Variants in IFNGR1 observed in about 807,000 individuals in gnomAD.
IFNGR1 encodes AVP, type 2.
In IFNGR1, 23 loss-of-function variants were observed where a neutral mutation model predicts 35.4. That is an observed-to-expected ratio of 0.65 (90% CI 0.47 to 0.92). IFNGR1 has a LOEUF of 0.92. Among genes scored for constraint, IFNGR1 ranks in the 40% least tolerant of loss-of-function variants. The pLI, the probability that IFNGR1 is intolerant of heterozygous loss-of-function variation, is 0.00. For missense variants in IFNGR1, 533 were observed against 583.4 expected, an observed-to-expected ratio of 0.91 and a Z score of 0.89; for synonymous variants, 199 against 209.5, an observed-to-expected ratio of 0.95 and a Z score of 0.43.
At chr6:137,211,068 A>C (rs1022545152) in intron 1 of IFNGR1, among the ~76,000 whole-genome samples, 6 of 152,256 alleles carry the variant, frequency 3.9e-5, no homozygotes, top group African/African-American at 1.4e-4. Context: ...GACATTAGGC[A>C]ATCAATGTCT....
At chr6:137,215,776 A>T (rs576432367) in intron 1 of IFNGR1, among the ~76,000 whole-genome samples, 2 of 152,184 alleles carry the variant, frequency 1.3e-5, no homozygotes, top group African/African-American at 4.8e-5. Context: ...CAGTGGTACA[A>T]TCATGGCTCA....
At chr6:137,203,794 G>T in intron 4 of IFNGR1, 109 bp from the exon 5 acceptor site, 1 of 882,760 alleles carries the variant, frequency 1.1e-6, no homozygotes, top group Non-Finnish European at 1.8e-6. Flanking sequence ...ATATATGATT[G>T]ACTTGAACAT....
At chr6:137,204,948 T>G (rs150926827) in intron 3 of IFNGR1, among the ~76,000 whole-genome samples, 176 of 152,336 alleles carry the variant, frequency 1.2e-3, no homozygotes, top group African/African-American at 3.7e-3. Flanking sequence ...AAATCAGAAC[T>G]TATTCCATAA....
chr6:137,210,060 G>C (rs1424137717), intron 1 of IFNGR1: 3 of 388,570 alleles, frequency 7.7e-6, no homozygotes, highest in Non-Finnish European at 1.4e-5. Flanking sequence ...GTTATTAAAA[G>C]TAGTCATGGG....
chr6:137,215,693 A>AAC (rs145759443), intron 1 of IFNGR1, among the ~76,000 whole-genome samples: 63 of 150,882 alleles, frequency 4.2e-4, no homozygotes, highest in South Asian at 8.4e-4. Flanking sequence ...TTCATACACA[A>AAC]ACACACACAC....
At chr6:137,203,774 C>T (rs56262004) in intron 4 of IFNGR1, 89 bp from the exon 5 acceptor site, 73 of 1,038,208 alleles carry the variant, frequency 7.0e-5, no homozygotes, top group Non-Finnish European at 9.8e-5. Context: ...GGTCAAACAA[C>T]TGAAGAAATA....
intron 1 of IFNGR1, among the ~76,000 whole-genome samples, chr6:137,211,965 T>G (rs1436004904): frequency 6.6e-6 from 1 of 152,192 alleles, no homozygotes; most frequent in Non-Finnish European, 1.5e-5. Context: ...GGCATTTTTT[T>G]GCCTCTCGAG....
intron 5 of IFNGR1, among the ~76,000 whole-genome samples, chr6:137,202,235 G>C (rs1004788025): frequency 6.6e-6 from 1 of 152,252 alleles, no homozygotes; most frequent in Non-Finnish European, 1.5e-5. Flanking sequence ...GCAAGGCATT[G>C]AGGCAAGCAG....
In IFNGR1 at chr6:137,197,768, G is replaced by A. The variant is rs909420246; in HGVS notation, c.*263C>T. The A allele has an allele frequency of 7.3e-6, 3 of 409,078 alleles. No individual in the cohort carries two copies. The highest frequency in any genetic ancestry group is 6.2e-5 in the African/African-American group (3 of 48,678). The allele number at this position is 409,078 out of a possible 1,614,324, so 25.3% of individuals were successfully genotyped here. ...CTAGGAACCAGGAGTACTGGATACT[G>A]TTCCGTTACTGGTAACCTATCTGGA... On this transcript the variant is annotated 3_prime_UTR_variant, in exon 7 of 7. Coordinates refer to ENST00000367739, the MANE Select transcript of IFNGR1 (RefSeq NM_000416.3).
Position 137,206,914 on chromosome 6 carries a change from AC to A in IFNGR1, c.200+48del, listed in dbSNP as rs755352307. ...GAACACAGTTGTGGAATTTCCAAGG[AC>A]CTAAACAAAAATGGAATAAAAAGGA... On this transcript the variant is annotated intron_variant, in intron 2 of 6. Coordinates refer to ENST00000367739, the MANE Select transcript of IFNGR1 (RefSeq NM_000416.3). 17 of 1,415,168 alleles carry A rather than the reference AC, an allele frequency of 1.2e-5. 1 individual carries two copies. The South Asian group carries it at 2.0e-4, about 16-fold the overall frequency. 87.7% of individuals were successfully genotyped at this position (1,415,168 alleles called of 1,614,324 possible).
intron 1 of IFNGR1, among the ~76,000 whole-genome samples, chr6:137,212,058 A>AT: frequency 6.6e-6 from 1 of 152,100 alleles, no homozygotes; most frequent in East Asian, 1.9e-4. Flanking sequence ...ACCTGTTACT[A>AT]TAAGACGCAA....
intron 6 of IFNGR1, among the ~76,000 whole-genome samples, chr6:137,199,467 T>C (rs1397633542): frequency 1.9e-5 from 2 of 106,772 alleles, no homozygotes; most frequent in Non-Finnish European, 3.6e-5. Context: ...ACTTATATTA[T>C]ATAAAATATA....
Position 137,197,988 on chromosome 6 carries a change from T to C in IFNGR1, c.*43A>G, listed in dbSNP as rs1779129723. 3.7e-6 allele frequency: 6 copies of C among 1,612,866 alleles called. No individual in the cohort carries two copies. The highest frequency in any genetic ancestry group is 5.1e-6 in the Non-Finnish European group (6 of 1,179,484). On this transcript the variant is annotated 3_prime_UTR_variant, in exon 7 of 7. Coordinates refer to ENST00000367739, the MANE Select transcript of IFNGR1 (RefSeq NM_000416.3). ...TTCATGAAATTAAAGCAGAAAACTG[T>C]CCAGGAAAATCAGACTTCAAAGTTG...
At chr6:137,201,243 T>C (rs1323877956) in intron 5 of IFNGR1, among the ~76,000 whole-genome samples, 1 of 152,246 alleles carries the variant, frequency 6.6e-6, no homozygotes, top group East Asian at 1.9e-4. Flanking sequence ...GGGACTATTC[T>C]ACTATGACAC....
At chr6:137,202,600 T>TACACACAC (rs1491444766) in intron 5 of IFNGR1, among the ~76,000 whole-genome samples, 31 of 104,436 alleles carry the variant, frequency 3.0e-4, no homozygotes, top group Admixed American at 2.5e-3. Context: ...AAAATATATG[T>TACACACAC]ATACACACAC....
At position 137,198,590 on chromosome 6, in the gene IFNGR1, T is replaced by C. The variant is rs759549913; in HGVS notation, c.911A>G (p.Tyr304Cys). 1 of 1,613,876 alleles carries C rather than the reference T, an allele frequency of 6.2e-7. No individual in the cohort carries two copies. The highest frequency in any genetic ancestry group is 8.5e-7 in the Non-Finnish European group (1 of 1,179,954). Residue 304 changes from tyrosine to cysteine, a missense_variant, in exon 7 of 7, where the codon TAT (tyrosine) becomes TGT (cysteine). Transcript: ENST00000367739. ...CTGGTATGACGTGATGAGTGATACA[T>C]ATTTTGATTCAGGTTTTGTCTCTAA... ...ATLETKPESK[Y>C]VSLITSYQPF... is the part of the protein sequence containing the mutation.
chr6:137,202,692 C>T (rs776857386), intron 5 of IFNGR1, among the ~76,000 whole-genome samples: 4 of 151,408 alleles, frequency 2.6e-5, no homozygotes, highest in Non-Finnish European at 5.9e-5. Context: ...TAAAGCAATA[C>T]ACAAAATCAT....
At position 137,197,485 on chromosome 6, in the gene IFNGR1, G is replaced by A. The variant is rs1241003182; in HGVS notation, c.*546C>T. ...TGCTTGAATAAATGAATACAAAAACGAGTTTTAAAATTCTTTATTTAAAAA... is the reference window on the plus strand; with the variant it reads ...TGCTTGAATAAATGAATACAAAAACAAGTTTTAAAATTCTTTATTTAAAAA... On this transcript the variant is annotated 3_prime_UTR_variant, in exon 7 of 7. Transcript: ENST00000367739. 4 of 152,304 alleles carry A rather than the reference G, an allele frequency of 2.6e-5. No individual in the cohort carries two copies. The highest frequency in any genetic ancestry group is 2.0e-4 in the Admixed American group (3 of 15,286). The allele number at this position is 152,304 out of a possible 1,614,324, so 9.4% of individuals were successfully genotyped here. A position where few individuals can be genotyped will look rare whatever the true frequency, so the allele number is the denominator to read the frequency against.
Position 137,197,982 on chromosome 6 carries a change from A to T in IFNGR1, c.*49T>A. On this transcript the variant is annotated 3_prime_UTR_variant, in exon 7 of 7. Coordinates refer to ENST00000367739, the MANE Select transcript of IFNGR1 (RefSeq NM_000416.3). The stretch of plus-strand genomic sequence containing the variant: ...AATCTTTTCATGAAATTAAAGCAGA[A>T]AACTGTCCAGGAAAATCAGACTTCA... The T allele has an allele frequency of 6.2e-7, 1 of 1,612,498 alleles. No individual in the cohort carries two copies. Among genetic ancestry groups the T allele is most frequent in the Non-Finnish European group, 8.5e-7 (1 of 1,179,228 alleles).
Sources: gnomAD v4.1 joint callset for allele counts (sites outside exome capture counted in the v4.1 genomes callset) on GRCh38, gnomAD v4.1.1 for gene constraint, MANE v1.5 for transcripts, NCBI Gene and HGNC (gene_info 2026-07-23, HGNC 2026-07-21) for gene names.